Variants in TNKS1BP1 observed in about 807,000 individuals in gnomAD.
TNKS1BP1 encodes the protein CCR4-NOT transcription complex subunit 12.
In TNKS1BP1, 48 loss-of-function variants were observed where a neutral mutation model predicts 141.1. That is an observed-to-expected ratio of 0.34 (90% CI 0.27 to 0.43). The LOEUF is 0.43. Ranked by LOEUF, TNKS1BP1 falls within the 20% of genes least tolerant of loss-of-function variation. TNKS1BP1 has a pLI of 1.00. For synonymous variants in TNKS1BP1, 875 were observed against 898.2 expected (o/e 0.97, Z 0.46); for missense variants, 2,149 against 2,226.0 (o/e 0.97, Z 0.70).
chr11:57,300,721 A>G (rs952971414), intron 10 of TNKS1BP1, 121 bp from the exon 11 acceptor site: 1 of 1,502,604 alleles, frequency 6.7e-7, no homozygotes, highest in African/African-American at 1.4e-5. Context: ...GCCTGGCTGC[A>G]GGGACCCAAA....
intron 4 of TNKS1BP1, 137 bp downstream of exon 4, chr11:57,317,681 C>A: frequency 2.1e-6 from 2 of 942,206 alleles, no homozygotes; most frequent in Non-Finnish European, 3.2e-6. Flanking sequence ...AATCCCAGGG[C>A]CAGCCCTCCA....
In TNKS1BP1 at chr11:57,312,559, G is replaced by A. The variant is rs1565042898; in HGVS notation, c.2129C>T (p.Thr710Ile). The A allele has an allele frequency of 1.3e-6, 2 of 1,503,776 alleles. No individual in the cohort carries two copies. Among genetic ancestry groups the A allele is most frequent in the East Asian group, 4.6e-5 (2 of 43,236 alleles). 93.2% of individuals were successfully genotyped at this position (1,503,776 alleles called of 1,614,324 possible). A position where few individuals can be genotyped will look rare whatever the true frequency, so the allele number is the denominator to read the frequency against. ...CTCAGAGCAGGTACTTGGGGACTGTGTGTCCTTCAGCTCAGCTCCAGCTCC... is the reference window on the plus strand; with the variant it reads ...CTCAGAGCAGGTACTTGGGGACTGTATGTCCTTCAGCTCAGCTCCAGCTCC... ...RRGAGAELKD[T>I]QSPSTCSEGL... The change falls in exon 5 of 12, where the codon ACA becomes ATA. Residue 710 changes from threonine to isoleucine, a missense_variant. Physicochemically the swap from Thr to Ile is moderately conservative, Grantham distance 89 (BLOSUM62 -1). Coordinates refer to ENST00000358252, the MANE Select transcript of TNKS1BP1 (RefSeq NM_033396.3).
chr11:57,321,745 C>A, intron 2 of TNKS1BP1, 47 bp downstream of exon 2: 1 of 619,506 alleles, frequency 1.6e-6, no homozygotes, highest in Non-Finnish European at 3.0e-6. Context: ...CTCTGTCCTT[C>A]CCACCCCCCT....
chr11:57,304,465 A>T lies in TNKS1BP1; in HGVS notation c.4317-1640T>A, dbSNP rs73472506. ...TCACCCTGACAGCCAGCTTAAAATC[A>T]GGGAGAATTTGGAGGGAGGGGGTGG... is the stretch of plus-strand genomic sequence containing the variant. On this transcript the variant is annotated intron_variant, in intron 6 of 11. Transcript: ENST00000358252. Among the ~76,000 whole-genome samples, 1,259 of 152,286 alleles carry T rather than the reference A, an allele frequency of 8.3e-3. 16 individuals are homozygous for T. Among genetic ancestry groups the T allele is most frequent in the African/African-American group, 0.028 (1,171 of 41,560 alleles).
chr11:57,321,669 G>A, intron 2 of TNKS1BP1, 123 bp downstream of exon 2: 1 of 1,117,452 alleles, frequency 8.9e-7, no homozygotes, highest in Non-Finnish European at 1.3e-6. Context: ...TACTGCCTTG[G>A]TACTCCTTCC....
rs1194622660 is a variant in TNKS1BP1, at chr11:57,313,678, G to A, written c.1010C>T (p.Ser337Leu). The change falls in exon 5 of 12, where the codon TCA becomes TTA. Residue 337 changes from serine (S) to leucine (L), a missense_variant. Ser to Leu is a moderately radical substitution (Grantham distance 145, BLOSUM62 -2). Coordinates refer to ENST00000358252, the MANE Select transcript of TNKS1BP1 (RefSeq NM_033396.3). ...GTCAGGCAGGGCTGCACTTGGAGCT[G>A]ATGGAGTCACAGCGGGGCAGGGAGA... is the stretch of plus-strand genomic sequence containing the variant. The part of the protein sequence containing the change: ...QASPCPAVTP[S>L]APSAALPDEG... 2 of 1,570,992 alleles carry A rather than the reference G, an allele frequency of 1.3e-6. No homozygotes were observed. Among genetic ancestry groups the A allele is most frequent in the Non-Finnish European group, 1.7e-6 (2 of 1,157,576 alleles).
At chr11:57,318,729 C>G (rs899867156) in intron 3 of TNKS1BP1, among the ~76,000 whole-genome samples, 1 of 152,220 alleles carries the variant, frequency 6.6e-6, no homozygotes, top group African/African-American at 2.4e-5. Context: ...CCCAGCACCC[C>G]AAGAAGCACC....
Position 57,308,928 on chromosome 11 carries a change from T to C in TNKS1BP1, c.3783A>G (p.Ser1261=), listed in dbSNP as rs1855656901. 1.2e-6 allele frequency: 2 copies of C among 1,614,018 alleles called. No individual in the cohort carries two copies. Among genetic ancestry groups the C allele is most frequent in the Non-Finnish European group, 1.7e-6 (2 of 1,180,000 alleles). Residue 1261 remains serine, a synonymous_variant, in exon 6 of 12, where the codon TCA becomes TCG. Transcript: ENST00000358252. Reference sequence around the variant, plus strand: ...TAAGGAACTCTCCGGCCTCCACACCTGACCAGTCAGTCTGCCCCACGCCAC... The same window carrying C: ...TAAGGAACTCTCCGGCCTCCACACCCGACCAGTCAGTCTGCCCCACGCCAC... ...RESGVGQTDW[S]GVEAGEFLKS...
At chr11:57,305,673 A>G (rs1855598640) in intron 6 of TNKS1BP1, among the ~76,000 whole-genome samples, 1 of 152,192 alleles carries the variant, frequency 6.6e-6, no homozygotes, top group Non-Finnish European at 1.5e-5. Context: ...CCAGGGAGAC[A>G]AGAAGAACCC....
intron 4 of TNKS1BP1, among the ~76,000 whole-genome samples, chr11:57,314,268 C>T (rs1855764414): frequency 6.6e-6 from 1 of 152,208 alleles, no homozygotes. Context: ...GAATCTGGCT[C>T]TTGAAGCACC....
At chr11:57,322,930 G>A (rs562439499) in intron 1 of TNKS1BP1, among the ~76,000 whole-genome samples, 1 of 152,320 alleles carries the variant, frequency 6.6e-6, no homozygotes, top group South Asian at 2.1e-4. Flanking sequence ...GGCACAGCCT[G>A]GTGGTAGAAG....
intron 4 of TNKS1BP1, 78 bp from the exon 5 acceptor site, chr11:57,313,967 A>T: frequency 3.7e-6 from 5 of 1,343,144 alleles, no homozygotes; most frequent in Non-Finnish European, 4.8e-6. Context: ...CCCCACACAG[A>T]CCCCAGGTCA....
intron 4 of TNKS1BP1, among the ~76,000 whole-genome samples, chr11:57,314,332 G>A (rs960011198): frequency 3.3e-5 from 5 of 152,320 alleles, no homozygotes; most frequent in African/African-American, 9.6e-5. Context: ...AGCAGGATTC[G>A]AGGTGCAGTG....
intron 5 of TNKS1BP1, among the ~76,000 whole-genome samples, chr11:57,310,810 T>C (rs1027689435): frequency 6.6e-6 from 1 of 152,186 alleles, no homozygotes; most frequent in Non-Finnish European, 1.5e-5. Flanking sequence ...CTCAGCATAG[T>C]GCTTGGCATG....
intron 6 of TNKS1BP1, among the ~76,000 whole-genome samples, chr11:57,306,909 G>C (rs1311993781): frequency 2.7e-5 from 4 of 148,704 alleles, no homozygotes; most frequent in East Asian, 2.0e-4. Flanking sequence ...GTGGTGGGGG[G>C]GGGGGTTGGG....
rs1395525748 is a variant in TNKS1BP1, at chr11:57,309,614, C to T, written c.3097G>A (p.Ala1033Thr). Residue 1033 changes from alanine (A) to threonine (T), a missense_variant, in exon 6 of 12, where the codon GCC becomes ACC. Transcript: ENST00000358252. This position sits in a 1 kb window ranked among gnomAD's most constrained non-coding sequence, Gnocchi z 4.3. ...CCGAGTGCCCCATCCGGCACGTGGGCAGTGCTAGGACTGAACAAGCCCCCG... is the reference window on the plus strand; with the variant it reads ...CCGAGTGCCCCATCCGGCACGTGGGTAGTGCTAGGACTGAACAAGCCCCCG... ...GSGGLFSPST[A>T]HVPDGALGQR... 2.5e-6 allele frequency: 4 copies of T among 1,614,012 alleles called. No individual in the cohort carries two copies. Among genetic ancestry groups the T allele is most frequent in the Non-Finnish European group, 3.4e-6 (4 of 1,180,036 alleles).
intron 6 of TNKS1BP1, among the ~76,000 whole-genome samples, chr11:57,306,588 C>T (rs543333123): frequency 5.9e-5 from 9 of 152,238 alleles, no homozygotes; most frequent in Non-Finnish European, 1.2e-4. Flanking sequence ...TGTTTTCGTT[C>T]GGCTTTTTGA....
Position 57,321,889 on chromosome 11 carries a change from A to G in TNKS1BP1, c.-4T>C. The G allele has an allele frequency of 1.2e-6, 2 of 1,613,854 alleles. No homozygotes were observed. Among genetic ancestry groups the G allele is most frequent in the Non-Finnish European group, 1.7e-6 (2 of 1,179,864 alleles). ...CCCTGAGAGTAGACACTTTCATCAC[A>G]TGCGGCAGACCCTCCTTGAGAGCGG... On this transcript the variant is annotated 5_prime_UTR_variant, in exon 2 of 12. The change abolishes an upstream ATG in the 5' untranslated region. Coordinates refer to ENST00000358252, the MANE Select transcript of TNKS1BP1 (RefSeq NM_033396.3).
At chr11:57,311,706 G>A (rs1018171293) in intron 5 of TNKS1BP1, among the ~76,000 whole-genome samples, 3 of 151,868 alleles carry the variant, frequency 2.0e-5, no homozygotes, top group African/African-American at 7.3e-5. Context: ...AATAAATTTC[G>A]AAAGCCACCT....
Sources: gnomAD v4.1 joint callset for allele counts (sites outside exome capture counted in the v4.1 genomes callset) on GRCh38, gnomAD v4.1.1 for gene constraint, Gnocchi (gnomAD v3.1) non-coding constraint, MANE v1.5 for transcripts, NCBI Gene and HGNC (gene_info 2026-07-23, HGNC 2026-07-21) for gene names.